Variants in SRD5A3 observed in about 807,000 individuals in gnomAD.
SRD5A3 encodes the protein steroid 5 alpha-reductase 3, also known as polyprenal reductase.
Under a neutral mutation model 34.3 loss-of-function variants are expected in SRD5A3, and 24 were observed. The ratio of observed to expected loss-of-function variants is 0.70; its 90% CI spans 0.51 to 0.99. The LOEUF (loss-of-function observed/expected upper bound fraction) is 0.99, where lower values mean the gene tolerates loss of function less well. Among genes scored for constraint, SRD5A3 ranks in the 50% least tolerant of loss-of-function variants. The probability of loss-of-function intolerance (pLI) is 0.00; values close to 1 mark genes in which losing one functional copy is unlikely to be tolerated. For synonymous variants in SRD5A3, 161 were observed against 167.3 expected (o/e 0.96, Z 0.29); for missense variants, 350 against 388.2 (o/e 0.90, Z 0.83).
At position 55,356,000 on chromosome 4, in the gene SRD5A3, A is replaced by ATTTTTT. The variant is rs10648522; in HGVS notation, c.222-3325_222-3320dup. On this transcript the variant is annotated intron_variant, in intron 1 of 4. Coordinates refer to ENST00000264228, the MANE Select transcript of SRD5A3 (RefSeq NM_024592.5). The stretch of plus-strand genomic sequence containing the variant: ...ATGACCAATGCTTTCTTTTGCCTCC[A>ATTTTTT]TTTTTTTTTTTTTTTTTTTTTTTTT... Among the ~76,000 whole-genome samples the ATTTTTT allele has an allele frequency of 6.2e-4, 46 of 74,292 alleles. 7 individuals carry two copies. Among genetic ancestry groups the ATTTTTT allele is most frequent in the African/African-American group, 9.2e-4 (17 of 18,426 alleles). The allele number at this position is 74,292 out of a possible 152,430, so 48.7% of individuals were successfully genotyped here. A position where few individuals can be genotyped will look rare whatever the true frequency, so the allele number is the denominator to read the frequency against.
intron 1 of SRD5A3, among the ~76,000 whole-genome samples, chr4:55,356,937 C>T (rs1719487437): frequency 6.6e-6 from 1 of 152,120 alleles, no homozygotes; most frequent in Non-Finnish European, 1.5e-5. Context: ...CACCTTCTAC[C>T]CTCGCCCTTG....
At chr4:55,351,469 G>A (rs11727256) in intron 1 of SRD5A3, among the ~76,000 whole-genome samples, 47,175 of 151,820 alleles carry the variant, frequency 0.31, 8,383 homozygotes, top group Non-Finnish European at 0.41. Context: ...TCCCAGCACC[G>A]TGGGAGGCTG....
chr4:55,367,051 A>G (rs1182445635), intron 3 of SRD5A3: 1 of 164,654 alleles, frequency 6.1e-6, no homozygotes, highest in Non-Finnish European at 1.3e-5. Flanking sequence ...TAGCCTTTCC[A>G]CTGGTGATTT....
At chr4:55,361,230 C>T (rs1719674693) in intron 2 of SRD5A3, among the ~76,000 whole-genome samples, 1 of 151,926 alleles carries the variant, frequency 6.6e-6, no homozygotes, top group Non-Finnish European at 1.5e-5. Context: ...GCCTCTCATC[C>T]CAGCACTTCA....
chr4:55,354,051 C>G (rs902479841), intron 1 of SRD5A3, among the ~76,000 whole-genome samples: 3 of 152,154 alleles, frequency 2.0e-5, no homozygotes, highest in Admixed American at 6.5e-5. Flanking sequence ...CTTCTTAACC[C>G]CATAACACCT....
rs756854401 is a variant in SRD5A3, at chr4:55,367,667, T to A, written c.642T>A (p.Ser214=). Residue 214 remains serine (S), a synonymous_variant, in exon 4 of 5, where the codon TCT becomes TCA. Coordinates refer to ENST00000264228, the MANE Select transcript of SRD5A3 (RefSeq NM_024592.5). The part of the protein sequence containing the change: ...ILGMMMFIWS[S]AHQYKCHVIL... ...GGATGATGATGTTCATCTGGTCATC[T>A]GCCCATCAGTATAAGTGCCATGTTA... The A allele has an allele frequency of 2.5e-6, 4 of 1,614,072 alleles. No homozygotes were observed.
At chr4:55,358,915 T>C (rs563011239) in intron 1 of SRD5A3, 1 of 193,494 alleles carries the variant, frequency 5.2e-6, no homozygotes, top group Admixed American at 5.4e-5. Context: ...TGTGTAACAG[T>C]TGTGTGGCTA....
intron 1 of SRD5A3, chr4:55,352,079 A>G (rs1719215254): frequency 6.4e-6 from 5 of 775,786 alleles, no homozygotes; most frequent in African/African-American, 3.4e-5. Flanking sequence ...CAATTTCTCA[A>G]TTTCAGGCAT....
rs968941745 is a variant in SRD5A3, at chr4:55,367,646, G to A, written c.621G>A (p.Met207Ile). ...MQARWFHILG[M>I]MMFIWSSAHQ... ...CACGGTGGTTCCATATTCTTGGGATGATGATGTTCATCTGGTCATCTGCCC... is the reference window on the plus strand; with the variant it reads ...CACGGTGGTTCCATATTCTTGGGATAATGATGTTCATCTGGTCATCTGCCC... The change falls in exon 4 of 5, where the codon ATG (methionine) becomes ATA (isoleucine). Residue 207 changes from methionine (M) to isoleucine (I), a missense_variant. Transcript: ENST00000264228. 2 of 1,613,990 alleles carry A rather than the reference G, an allele frequency of 1.2e-6. No individual in the cohort carries two copies. Among genetic ancestry groups the A allele is most frequent in the Non-Finnish European group, 1.7e-6 (2 of 1,180,014 alleles).
chr4:55,348,066 C>G (rs1156326274), intron 1 of SRD5A3, among the ~76,000 whole-genome samples: 1 of 152,222 alleles, frequency 6.6e-6, no homozygotes, highest in Non-Finnish European at 1.5e-5. Flanking sequence ...TGTTGCAACT[C>G]AAGTCTGTTA....
At chr4:55,351,913 T>C in intron 1 of SRD5A3, 1 of 683,112 alleles carries the variant, frequency 1.5e-6, no homozygotes, top group East Asian at 3.0e-5. Flanking sequence ...GGGATTCTTC[T>C]TTTAAGGTCC....
chr4:55,372,040 C>T lies in SRD5A3; in HGVS notation c.*1949C>T, dbSNP rs138346857. On this transcript the variant is annotated 3_prime_UTR_variant, in exon 5 of 5. Coordinates refer to ENST00000264228, the MANE Select transcript of SRD5A3 (RefSeq NM_024592.5). The stretch of plus-strand genomic sequence containing the variant: ...CAACCAAACACCACTTAAGATTAAC[C>T]TGTGGCTCAGTCTACTTAAATAAAT... 6.6e-6 allele frequency: 1 copy of T among 152,298 alleles called. No individual in the cohort carries two copies. Among genetic ancestry groups the T allele is most frequent in the African/African-American group, 2.4e-5 (1 of 41,558 alleles). The allele number at this position is 152,298 out of a possible 1,614,324, so 9.4% of individuals were successfully genotyped here. A position where few individuals can be genotyped will look rare whatever the true frequency, so the allele number is the denominator to read the frequency against.
At chr4:55,363,681 A>G (rs7340797) in intron 2 of SRD5A3, among the ~76,000 whole-genome samples, 112,464 of 151,942 alleles carry the variant, frequency 0.74, 41,816 homozygotes, top group East Asian at 0.87. Context: ...TGCCTCTGTG[A>G]TGCCTGAGAT....
chr4:55,352,128 G>T (rs911364821), intron 1 of SRD5A3: 18 of 812,020 alleles, frequency 2.2e-5, no homozygotes, highest in Non-Finnish European at 3.3e-5. Context: ...TTGGTATACA[G>T]ACAGTCCATC....
At chr4:55,368,095 G>A (rs190542149) in intron 4 of SRD5A3, among the ~76,000 whole-genome samples, 126 of 152,288 alleles carry the variant, frequency 8.3e-4, no homozygotes, top group Non-Finnish European at 1.5e-3. Flanking sequence ...AAATTGAATA[G>A]GCCAGGCGCA....
At chr4:55,360,056 C>G (rs1397908232) in intron 2 of SRD5A3, among the ~76,000 whole-genome samples, 1 of 151,092 alleles carries the variant, frequency 6.6e-6, no homozygotes, top group Non-Finnish European at 1.5e-5. Flanking sequence ...ACTAAAAATA[C>G]AAAAAAAAGT....
At chr4:55,357,975 AG>A (rs1443875845) in intron 1 of SRD5A3, among the ~76,000 whole-genome samples, 1 of 152,208 alleles carries the variant, frequency 6.6e-6, no homozygotes, top group Non-Finnish European at 1.5e-5. Flanking sequence ...GCATGATCTC[AG>A]GGGCTGTGCA....
At chr4:55,354,480 A>G (rs1368128941) in intron 1 of SRD5A3, among the ~76,000 whole-genome samples, 4 of 152,050 alleles carry the variant, frequency 2.6e-5, no homozygotes, top group Non-Finnish European at 1.5e-5. Context: ...AAAGCCCAAG[A>G]CCTCATGGTC....
chr4:55,356,386 A>C (rs1719462398), intron 1 of SRD5A3, among the ~76,000 whole-genome samples: 1 of 152,204 alleles, frequency 6.6e-6, no homozygotes, highest in African/African-American at 2.4e-5. Context: ...ATGTTTTTTA[A>C]ATAGTTAAGT....
Sources: allele counts gnomAD v4.1 joint callset (sites outside exome capture counted in the v4.1 genomes callset), GRCh38; gene constraint gnomAD v4.1.1; transcripts MANE v1.5; gene names NCBI Gene and HGNC (gene_info 2026-07-23, HGNC 2026-07-21).